Variants in GTF3C1 observed in about 807,000 individuals in gnomAD.
GTF3C1 encodes general transcription factor 3C polypeptide 1.
In GTF3C1, 57 loss-of-function variants were observed where a neutral mutation model predicts 226.7. That is an observed-to-expected ratio of 0.25 (90% CI 0.20 to 0.31). The LOEUF is 0.31. Among genes scored for constraint, GTF3C1 ranks in the 10% least tolerant of loss-of-function variants. GTF3C1 has a pLI of 1.00. For synonymous variants in GTF3C1, 1,090 were observed against 1,084.8 expected (o/e 1.00, Z -0.09); for missense variants, 2,217 against 2,776.1 (o/e 0.80, Z 4.53).
rs757776749 is a variant in GTF3C1 at position 27,465,281 on chromosome 16, C to G, written c.5334G>C (p.Arg1778Ser). 1.2e-6 allele frequency: 2 copies of G among 1,614,170 alleles called. No homozygotes were observed. The highest frequency in any genetic ancestry group is 2.2e-5 in the South Asian group (2 of 91,086). ...TCACCTGGATGCAATCTGCGAATGT[C>G]CTGGTGCGCCCACCACCTGCCTTCT... is the stretch of plus-strand genomic sequence containing the variant. Reference protein sequence around the residue: ...ALEKAGGGRTRTFADCIQALL... With the variant: ...ALEKAGGGRTSTFADCIQALL... Residue 1778 changes from arginine (R) to serine (S), a missense_variant, in exon 33 of 37, where the codon AGG (arginine) becomes AGC (serine). Around this residue, in one of 12 missense-constraint regions of GTF3C1, gnomAD observed 455 missense variants for 441.9 expected, o/e 1.03. Transcript: ENST00000356183.
chr16:27,507,811 G>C lies in GTF3C1; in HGVS notation c.1243-655C>G, dbSNP rs1346373358. 6.6e-6 allele frequency among the ~76,000 whole-genome samples: 1 copy of C among 152,236 alleles called. No homozygotes were observed. Among genetic ancestry groups the C allele is most frequent in the Non-Finnish European group, 1.5e-5 (1 of 68,036 alleles). ...GAGACCACAGGTCTGAATTACAAAA[G>C]AGTGCCAGACAGGCATAGCTGGCCA... On this transcript the variant is annotated intron_variant, in intron 8 of 36. Coordinates refer to ENST00000356183, the MANE Select transcript of GTF3C1 (RefSeq NM_001520.4). This position sits in a 1 kb window ranked among gnomAD's most constrained non-coding sequence, Gnocchi z 4.9.
chr16:27,517,357 G>A (rs1454420100), intron 6 of GTF3C1, among the ~76,000 whole-genome samples: 5 of 152,188 alleles, frequency 3.3e-5, no homozygotes, highest in Admixed American at 3.3e-4. Context: ...AAAGCCAAAA[G>A]CCACAGGGGC....
At chr16:27,539,630 C>G (rs1204835344) in intron 2 of GTF3C1, among the ~76,000 whole-genome samples, 2 of 152,216 alleles carry the variant, frequency 1.3e-5, no homozygotes, top group Non-Finnish European at 2.9e-5. Context: ...CTGGAGAAGA[C>G]TGAAGTTTGA....
chr16:27,482,642 G>A lies in GTF3C1; in HGVS notation c.4083+402C>T, dbSNP rs550452363. Reference sequence around the variant, plus strand: ...AGATGAGCAGCCTCTGAGGCGAAGGGCAGGAGTCTGGGTCAGCAGACAGCT... The same window carrying A: ...AGATGAGCAGCCTCTGAGGCGAAGGACAGGAGTCTGGGTCAGCAGACAGCT... On this transcript the variant is annotated intron_variant, in intron 26 of 36. Coordinates refer to ENST00000356183, the MANE Select transcript of GTF3C1 (RefSeq NM_001520.4). 2.1e-4 allele frequency: 95 copies of A among 458,430 alleles called. 1 individual carries two copies. Among genetic ancestry groups the A allele is most frequent in the South Asian group, 1.4e-3 (92 of 64,590 alleles). The allele number at this position is 458,430 out of a possible 1,614,324, so 28.4% of individuals were successfully genotyped here. A position where few individuals can be genotyped will look rare whatever the true frequency, so the allele number is the denominator to read the frequency against.
intron 1 of GTF3C1, among the ~76,000 whole-genome samples, chr16:27,549,151 C>G (rs2089226084): frequency 6.6e-6 from 1 of 151,980 alleles, no homozygotes; most frequent in Admixed American, 6.6e-5. Context: ...GAGAGAGACT[C>G]TATCTCAAAA....
chr16:27,493,357 T>C (rs1177876857), intron 16 of GTF3C1, 61 bp from the exon 17 acceptor site: 7 of 850,018 alleles, frequency 8.2e-6, no homozygotes, highest in African/African-American at 1.7e-5. Flanking sequence ...GCAAGAATCT[T>C]GAAAAAGTGC....
chr16:27,481,458 C>T (rs551810569), intron 26 of GTF3C1, among the ~76,000 whole-genome samples: 56 of 152,062 alleles, frequency 3.7e-4, no homozygotes, highest in Non-Finnish European at 5.4e-4. Context: ...CACCCTGCAT[C>T]GCTGGCACTC....
intron 26 of GTF3C1, 47 bp from the exon 27 acceptor site, chr16:27,481,238 G>C: frequency 6.5e-7 from 1 of 1,544,182 alleles, no homozygotes; most frequent in Non-Finnish European, 9.0e-7. Context: ...TCTTCCTAAA[G>C]GGAGGTTTTG....
chr16:27,520,104 G>C (rs1404820805), intron 6 of GTF3C1, among the ~76,000 whole-genome samples: 1 of 152,126 alleles, frequency 6.6e-6, no homozygotes, highest in Non-Finnish European at 1.5e-5. Flanking sequence ...GACAGAGTGA[G>C]ACCTTGTGTT....
In GTF3C1 at chr16:27,471,504, C is replaced by T. The variant is rs1021019742; in HGVS notation, c.4526+244G>A. On this transcript the variant is annotated intron_variant, in intron 30 of 36. Coordinates refer to ENST00000356183, the MANE Select transcript of GTF3C1 (RefSeq NM_001520.4). This position sits in a 1 kb window ranked among gnomAD's most constrained non-coding sequence, Gnocchi z 5.0. ...ATTTCACTCCATCTGACGAGAGAAA[C>T]GGAAACAAACCACCTGCAAAATGGT... 15 of 490,356 alleles carry T rather than the reference C, an allele frequency of 3.1e-5. No individual in the cohort carries two copies. Among genetic ancestry groups the T allele is most frequent in the East Asian group, 1.7e-4 (5 of 29,742 alleles). The allele number at this position is 490,356 out of a possible 1,614,324, so 30.4% of individuals were successfully genotyped here. A position where few individuals can be genotyped will look rare whatever the true frequency, so the allele number is the denominator to read the frequency against.
intron 29 of GTF3C1, among the ~76,000 whole-genome samples, chr16:27,475,663 C>T (rs151311409): frequency 3.9e-5 from 6 of 152,178 alleles, no homozygotes; most frequent in African/African-American, 1.4e-4. Flanking sequence ...CAGGCTCCAC[C>T]GGGGGTTCGA....
intron 34 of GTF3C1, 103 bp downstream of exon 34, chr16:27,464,216 TG>T (rs1384077694): frequency 2.2e-5 from 14 of 630,320 alleles, no homozygotes; most frequent in Non-Finnish European, 3.3e-5. Flanking sequence ...TTTGTGCCAG[TG>T]GCAGGTCCCC....
At chr16:27,508,699 C>T (rs748837676) in intron 7 of GTF3C1, 44 bp from the exon 8 acceptor site, 2 of 1,395,370 alleles carry the variant, frequency 1.4e-6, no homozygotes, top group Non-Finnish European at 2.0e-6. Context: ...TGCAAAGGAG[C>T]TGTTCTGCAC....
rs756682862 is a variant in GTF3C1, at chr16:27,486,070, C to A, written c.3785G>T (p.Arg1262Leu). 3 of 1,610,928 alleles carry A rather than the reference C, an allele frequency of 1.9e-6. No homozygotes were observed. Among genetic ancestry groups the A allele is most frequent in the Non-Finnish European group, 1.7e-6 (2 of 1,177,188 alleles). Residue 1262 changes from arginine to leucine, a missense_variant, in exon 24 of 37, where the codon CGT becomes CTT. Physicochemically the swap from Arg to Leu is moderately radical, Grantham distance 102 (BLOSUM62 -2). Coordinates refer to ENST00000356183, the MANE Select transcript of GTF3C1 (RefSeq NM_001520.4). ...QSALQRMTRLRVTWSMQEDGL... is the reference protein window; with the variant it reads ...QSALQRMTRLLVTWSMQEDGL... ...ATCCTCCTGCATAGACCAGGTGACA[C>A]GAAGCCGCGTCATCCGCTGCAGGGC...
At chr16:27,473,035 C>A (rs1414356454) in intron 29 of GTF3C1, among the ~76,000 whole-genome samples, 2 of 152,166 alleles carry the variant, frequency 1.3e-5, no homozygotes, top group East Asian at 3.9e-4. Context: ...CCTGCTTCAG[C>A]CTCCTGGGTA....
At chr16:27,467,932 T>C (rs1170925225) in intron 32 of GTF3C1, among the ~76,000 whole-genome samples, 1 of 152,096 alleles carries the variant, frequency 6.6e-6, no homozygotes, top group Non-Finnish European at 1.5e-5. Flanking sequence ...ATTCCTCTGA[T>C]GGATCTGGAC....
chr16:27,495,308 G>C lies in GTF3C1; in HGVS notation c.2535C>G (p.Ser845=), dbSNP rs143734304. Residue 845 remains serine, a synonymous_variant, in exon 15 of 37, where the codon TCC becomes TCG. Coordinates refer to ENST00000356183, the MANE Select transcript of GTF3C1 (RefSeq NM_001520.4). The part of the protein sequence containing the change: ...ESGRAGVRPS[S]SGSAWEACSE... ...AGCAGGCCTCCCAGGCACTTCCAGA[G>C]GAGGACGGCCGGACGCCTGCCCTGC... 22 of 1,613,602 alleles carry C rather than the reference G, an allele frequency of 1.4e-5. No individual in the cohort carries two copies. The highest frequency in any genetic ancestry group is 1.1e-5 in the Non-Finnish European group (13 of 1,179,628).
At chr16:27,530,626 G>A (rs191344159) in intron 5 of GTF3C1, among the ~76,000 whole-genome samples, 2 of 152,296 alleles carry the variant, frequency 1.3e-5, no homozygotes, top group East Asian at 3.9e-4. Flanking sequence ...ATCACCAGGG[G>A]ATAGTCATGG....
chr16:27,546,234 C>T (rs539440609), intron 1 of GTF3C1, among the ~76,000 whole-genome samples: 1 of 152,280 alleles, frequency 6.6e-6, no homozygotes, highest in African/African-American at 2.4e-5. Flanking sequence ...GTTTGCATTA[C>T]CGCCTGCATG....
Sources: allele counts gnomAD v4.1 joint callset (sites outside exome capture counted in the v4.1 genomes callset), GRCh38; gene constraint gnomAD v4.1.1; regional missense constraint gnomAD v4.1.1; non-coding constraint Gnocchi (gnomAD v3.1); transcripts MANE v1.5; gene names NCBI Gene and HGNC (gene_info 2026-07-23, HGNC 2026-07-21).